Variants in ST3GAL3 observed in about 807,000 individuals in gnomAD.
ST3GAL3 encodes the protein ST3 beta-galactoside alpha-2,3-sialyltransferase 3, also known as CMP-N-acetylneuraminate-beta-1,4-galactoside alpha-2,3-sialyltransferase.
In ST3GAL3, 21 loss-of-function variants were observed where a neutral mutation model predicts 50.1. The ratio of observed to expected loss-of-function variants is 0.42; its 90% confidence interval spans 0.30 to 0.60. The LOEUF is 0.60. Among genes scored for constraint, ST3GAL3 ranks in the 20% least tolerant of loss-of-function variants. The probability of loss-of-function intolerance (pLI) is 0.19; values close to 1 mark genes in which losing one functional copy is unlikely to be tolerated. For synonymous variants in ST3GAL3, 183 were observed against 190.0 expected (o/e 0.96, Z 0.30); for missense variants, 353 against 489.4 (o/e 0.72, Z 2.63).
chr1:43,929,312 T>TA (rs55966241), intron 11 of ST3GAL3, among the ~76,000 whole-genome samples: 13,962 of 45,178 alleles, frequency 0.31, 1,689 homozygotes, highest in African/African-American at 0.37. Context: ...TAATTATTAT[T>TA]TTTTTTTTTT....
At chr1:43,828,447 G>A (rs935799706) in intron 4 of ST3GAL3, among the ~76,000 whole-genome samples, 1 of 152,040 alleles carries the variant, frequency 6.6e-6, no homozygotes, top group Non-Finnish European at 1.5e-5. Context: ...TCACTGTTAA[G>A]TGAATGAAAA....
chr1:43,722,446 G>GA (rs570086307), intron 1 of ST3GAL3, among the ~76,000 whole-genome samples: 43 of 152,302 alleles, frequency 2.8e-4, no homozygotes, highest in African/African-American at 9.9e-4. Flanking sequence ...TTACCCTAAA[G>GA]AAAATGGGAA....
chr1:43,845,610 CTA>C (rs2066122415), intron 5 of ST3GAL3, among the ~76,000 whole-genome samples: 1 of 151,734 alleles, frequency 6.6e-6, no homozygotes, highest in Non-Finnish European at 1.5e-5. Flanking sequence ...TGGTTCTTGT[CTA>C]TTGATATTTT....
At chr1:43,889,801 A>G (rs2076454883) in intron 5 of ST3GAL3, among the ~76,000 whole-genome samples, 1 of 152,242 alleles carries the variant, frequency 6.6e-6, no homozygotes, top group South Asian at 2.1e-4. Context: ...TGTGAATTAC[A>G]TATCATAAAG....
At chr1:43,875,581 T>G (rs1404046537) in intron 5 of ST3GAL3, among the ~76,000 whole-genome samples, 2 of 152,128 alleles carry the variant, frequency 1.3e-5, no homozygotes, top group Non-Finnish European at 2.9e-5. Flanking sequence ...CATGCTGTTC[T>G]CATGATAGTG....
chr1:43,881,011 CT>C (rs952427891), intron 5 of ST3GAL3, among the ~76,000 whole-genome samples: 155 of 145,134 alleles, frequency 1.1e-3, no homozygotes, highest in Admixed American at 9.6e-4. Context: ...ACTCTGAGTT[CT>C]TTTTTTTTTT....
chr1:43,725,949 G>A (rs563718655), intron 1 of ST3GAL3, among the ~76,000 whole-genome samples: 115 of 152,120 alleles, frequency 7.6e-4, no homozygotes, highest in Non-Finnish European at 1.5e-3. Context: ...CCAGCCTCAC[G>A]TTTTATTTTT....
chr1:43,730,441 C>A (rs1017270209), intron 1 of ST3GAL3, among the ~76,000 whole-genome samples: 5 of 152,122 alleles, frequency 3.3e-5, no homozygotes, highest in Non-Finnish European at 7.4e-5. Flanking sequence ...TGTGCGCAGA[C>A]TACTTACAAC....
intron 4 of ST3GAL3, among the ~76,000 whole-genome samples, chr1:43,828,664 T>G (rs1263324313): frequency 1.3e-5 from 2 of 152,178 alleles, no homozygotes; most frequent in Non-Finnish European, 2.9e-5. Flanking sequence ...ATGTTTGCAT[T>G]ATATGTCATT....
intron 6 of ST3GAL3, among the ~76,000 whole-genome samples, chr1:43,897,891 G>A (rs892398219): frequency 2.6e-5 from 4 of 152,180 alleles, no homozygotes; most frequent in African/African-American, 4.8e-5. Context: ...GACTGCGTGC[G>A]CCAGCTTCCA....
At chr1:43,818,383 TC>T (rs1302633580) in intron 4 of ST3GAL3, among the ~76,000 whole-genome samples, 1 of 152,178 alleles carries the variant, frequency 6.6e-6, no homozygotes, top group Non-Finnish European at 1.5e-5. Flanking sequence ...ACTCAGGTGA[TC>T]CAGGGAACCT....
Position 43,930,564 on chromosome 1 carries a change from G to A in ST3GAL3, c.*343G>A, listed in dbSNP as rs537766772. 5 of 416,322 alleles carry A rather than the reference G, an allele frequency of 1.2e-5. No homozygotes were observed. The highest frequency in any genetic ancestry group is 1.8e-5 in the Non-Finnish European group (4 of 221,616). 25.8% of individuals were successfully genotyped at this position (416,322 alleles called of 1,614,324 possible). On this transcript the variant is annotated 3_prime_UTR_variant, in exon 12 of 12. Transcript: ENST00000347631. ...ATTATCATTTTGTGAATTTGGGTAG[G>A]GGGGAGGGTAGGGATAATTTATTTT... is the stretch of plus-strand genomic sequence containing the variant.
At chr1:43,739,390 T>A (rs1679864475) in intron 2 of ST3GAL3, 1 of 152,124 alleles carries the variant, frequency 6.6e-6, no homozygotes, top group Non-Finnish European at 1.5e-5. Context: ...TTTTCAAAAT[T>A]TTTTTGTAGA....
At chr1:43,771,955 G>C (rs1255370311) in intron 2 of ST3GAL3, 1 of 398,440 alleles carries the variant, frequency 2.5e-6, no homozygotes, top group Non-Finnish European at 4.4e-6. Context: ...CAGGAGCATG[G>C]AAGTTAAAAG....
intron 4 of ST3GAL3, among the ~76,000 whole-genome samples, chr1:43,823,402 G>A (rs971301636): frequency 1.3e-5 from 2 of 151,920 alleles, no homozygotes; most frequent in African/African-American, 4.8e-5. Context: ...ACCTGTTCCC[G>A]CCTCAGACTC....
intron 5 of ST3GAL3, among the ~76,000 whole-genome samples, chr1:43,870,900 G>C (rs1212094271): frequency 1.3e-5 from 2 of 152,210 alleles, no homozygotes; most frequent in Non-Finnish European, 2.9e-5. Context: ...TGGGCCAGGA[G>C]TCTGTGGCAG....
At chr1:43,854,931 C>T (rs2068052100) in intron 5 of ST3GAL3, among the ~76,000 whole-genome samples, 1 of 152,244 alleles carries the variant, frequency 6.6e-6, no homozygotes, top group Non-Finnish European at 1.5e-5. Context: ...TCTCCAACCT[C>T]TCCCACCTCT....
chr1:43,750,198 A>G (rs1294642424), intron 2 of ST3GAL3, among the ~76,000 whole-genome samples: 1 of 152,208 alleles, frequency 6.6e-6, no homozygotes, highest in African/African-American at 2.4e-5. Context: ...AGCATGCTTC[A>G]ACTTAGCAAC....
intron 2 of ST3GAL3, among the ~76,000 whole-genome samples, chr1:43,786,631 G>T (rs960877321): frequency 6.6e-6 from 1 of 152,106 alleles, no homozygotes; most frequent in Non-Finnish European, 1.5e-5. Context: ...TCACTGTTCA[G>T]TATTTTGTTC....
Sources: allele counts gnomAD v4.1 joint callset (sites outside exome capture counted in the v4.1 genomes callset), GRCh38; gene constraint gnomAD v4.1.1; transcripts MANE v1.5; gene names NCBI Gene and HGNC (gene_info 2026-07-23, HGNC 2026-07-21).